The following MTDH variants were observed in gnomAD, a reference collection of about 807,000 sequenced individuals.
MTDH encodes the protein metadherin, also known as protein LYRIC.
In MTDH, 34 loss-of-function variants were observed where a neutral mutation model predicts 72.7. The observed-to-expected ratio is 0.47, with a 90% CI of 0.36 to 0.62. MTDH has a LOEUF of 0.62. Ranked by LOEUF, MTDH falls within the 20% of genes least tolerant of loss-of-function variation. The probability of loss-of-function intolerance (pLI) is 0.00; values close to 1 mark genes in which losing one functional copy is unlikely to be tolerated. For missense variants in MTDH, 677 were observed against 699.4 expected, an observed-to-expected ratio of 0.97 and a Z score of 0.36; for synonymous variants, 266 against 268.9, an observed-to-expected ratio of 0.99 and a Z score of 0.10.
chr8:97,711,225 C>T (rs979493569), intron 8 of MTDH, among the ~76,000 whole-genome samples: 2 of 151,214 alleles, frequency 1.3e-5, no homozygotes, highest in Non-Finnish European at 2.9e-5. Context: ...AGGCCAGGCA[C>T]GGTGGCTCAC....
chr8:97,700,170 A>G (rs553118664), intron 7 of MTDH, among the ~76,000 whole-genome samples: 1 of 152,332 alleles, frequency 6.6e-6, no homozygotes, highest in South Asian at 2.1e-4. Flanking sequence ...AATTAAATAT[A>G]CAGAAATGGC....
chr8:97,720,663 T>G (rs921245361), intron 10 of MTDH, among the ~76,000 whole-genome samples: 1 of 149,382 alleles, frequency 6.7e-6, no homozygotes, highest in African/African-American at 2.5e-5. Flanking sequence ...TTTTTTTTTT[T>G]GAGACAAGAG....
At chr8:97,660,893 A>ATC (rs1052415567) in intron 1 of MTDH, among the ~76,000 whole-genome samples, 179 bp from the exon 2 acceptor site, 2 of 134,054 alleles carry the variant, frequency 1.5e-5, no homozygotes, top group African/African-American at 6.5e-5. Context: ...TTATATATAT[A>ATC]TATATATAAA....
At chr8:97,687,389 C>T (rs1290299681) in intron 3 of MTDH, 40 bp from the exon 4 acceptor site, 1 of 1,537,260 alleles carries the variant, frequency 6.5e-7, no homozygotes, top group South Asian at 1.3e-5. Flanking sequence ...TTTTTGTCTT[C>T]CCCTTACTGA....
intron 6 of MTDH, among the ~76,000 whole-genome samples, chr8:97,697,512 T>G (rs1371541519): frequency 6.7e-6 from 1 of 149,204 alleles, no homozygotes; most frequent in African/African-American, 2.5e-5. Context: ...CGGCGTCCCA[T>G]GTATCTGGTA....
At chr8:97,667,417 G>A (rs963537549) in intron 2 of MTDH, among the ~76,000 whole-genome samples, 1 of 152,162 alleles carries the variant, frequency 6.6e-6, no homozygotes, top group African/African-American at 2.4e-5. Flanking sequence ...TTTAATCTGT[G>A]TGATGAAATG....
At chr8:97,676,202 A>G (rs770427993) in intron 2 of MTDH, among the ~76,000 whole-genome samples, 9 of 152,266 alleles carry the variant, frequency 5.9e-5, no homozygotes, top group Admixed American at 2.0e-4. Flanking sequence ...TGTCTCCCAA[A>G]GTGCTGGGAT....
intron 1 of MTDH, among the ~76,000 whole-genome samples, chr8:97,648,043 T>C (rs1395749441): frequency 6.6e-6 from 1 of 152,190 alleles, no homozygotes; most frequent in African/African-American, 2.4e-5. Flanking sequence ...ATTTTGCGAC[T>C]CCTGTTTTCA....
At chr8:97,682,245 TATATATATATATATA>T (rs1813128193) in intron 2 of MTDH, among the ~76,000 whole-genome samples, 1 of 12,138 alleles carries the variant, frequency 8.2e-5, no homozygotes, top group Non-Finnish European at 1.6e-4. Context: ...TATATATATA[TATATATATATATATA>T]TATATATATA....
chr8:97,704,646 A>ATG (rs1012181002), intron 7 of MTDH, among the ~76,000 whole-genome samples: 1 of 151,770 alleles, frequency 6.6e-6, no homozygotes, highest in African/African-American at 2.4e-5. Flanking sequence ...TATACATATA[A>ATG]TGTTTTATTT....
chr8:97,662,143 A>G (rs1444329387), intron 2 of MTDH, among the ~76,000 whole-genome samples: 1 of 151,978 alleles, frequency 6.6e-6, no homozygotes, highest in Admixed American at 6.6e-5. Flanking sequence ...TTCTACTGTG[A>G]GAAAAAGACT....
At position 97,715,988 on chromosome 8, in the gene MTDH, A is replaced by AT. The variant is rs545013660; in HGVS notation, c.1380+2231dup. 5.2e-3 allele frequency among the ~76,000 whole-genome samples: 755 copies of AT among 145,186 alleles called. 19 individuals carry two copies. The East Asian group carries it at 0.055, about 11-fold the overall frequency. ...TCTATATTCTGAATCTTGTTCTGTC[A>AT]TTTTTTTTTTTTACCTTGCACAAGT... On this transcript the variant is annotated intron_variant, in intron 9 of 11. Coordinates refer to ENST00000336273, the MANE Select transcript of MTDH (RefSeq NM_178812.4).
chr8:97,674,451 A>G (rs1306657943), intron 2 of MTDH, among the ~76,000 whole-genome samples: 1 of 152,222 alleles, frequency 6.6e-6, no homozygotes, highest in Admixed American at 6.5e-5. Context: ...AAAATAGTGA[A>G]ATATAACTAG....
chr8:97,683,163 C>G (rs1226117442), intron 2 of MTDH, among the ~76,000 whole-genome samples: 1 of 139,598 alleles, frequency 7.2e-6, no homozygotes, highest in African/African-American at 2.7e-5. Flanking sequence ...CTCCCAGATT[C>G]AAGCGATTCT....
At chr8:97,711,236 G>A (rs1410310384) in intron 8 of MTDH, among the ~76,000 whole-genome samples, 3 of 151,650 alleles carry the variant, frequency 2.0e-5, no homozygotes, top group Middle Eastern at 6.9e-3. Flanking sequence ...GGTGGCTCAC[G>A]CCTGTAATCC....
At chr8:97,672,945 G>A (rs1256742959) in intron 2 of MTDH, among the ~76,000 whole-genome samples, 3 of 152,124 alleles carry the variant, frequency 2.0e-5, no homozygotes, top group East Asian at 3.8e-4. Flanking sequence ...TGACTTGGAC[G>A]ATGGATCATG....
At chr8:97,699,875 A>G (rs916174375) in intron 7 of MTDH, 23 bp downstream of exon 7, 50 of 1,517,086 alleles carry the variant, frequency 3.3e-5, no homozygotes, top group Non-Finnish European at 4.4e-5. Context: ...AAAAATTATC[A>G]GTTATTTTTT....
intron 2 of MTDH, among the ~76,000 whole-genome samples, chr8:97,661,832 A>T (rs1159842160): frequency 6.6e-6 from 1 of 150,758 alleles, no homozygotes; most frequent in Non-Finnish European, 1.5e-5. Context: ...AGTCCTAGCT[A>T]CTCAGCAGGC....
At chr8:97,664,265 A>G (rs1812292336) in intron 2 of MTDH, among the ~76,000 whole-genome samples, 1 of 152,066 alleles carries the variant, frequency 6.6e-6, no homozygotes, top group Admixed American at 6.6e-5. Flanking sequence ...CTGAGGCAGG[A>G]GAATCACTTG....
Sources: gnomAD v4.1 joint callset for allele counts (sites outside exome capture counted in the v4.1 genomes callset) on GRCh38, gnomAD v4.1.1 for gene constraint, MANE v1.5 for transcripts, NCBI Gene and HGNC (gene_info 2026-07-23, HGNC 2026-07-21) for gene names.